SPATA17: variants seen among roughly 807,000 people sequenced by gnomAD.
SPATA17 encodes spermatogenesis-associated protein 17.
SPATA17 carries 53 observed loss-of-function variants against 62.2 expected under a neutral mutation model. That is an observed-to-expected ratio of 0.85 (90% CI 0.68 to 1.07). The LOEUF is 1.07. SPATA17 is among the 50% of genes least tolerant of loss of function. SPATA17 has a pLI of 0.00. For missense variants in SPATA17, 466 were observed against 425.5 expected (o/e 1.10, Z -0.84); for synonymous variants, 146 against 146.8 (o/e 0.99, Z 0.04).
chr1:217,868,665 T>G lies in SPATA17; in HGVS notation c.*1646T>G, dbSNP rs1013707030. 0.02 allele frequency: 3 copies of G among 152 alleles called. No individual in the cohort carries two copies. 0.0% of individuals were successfully genotyped at this position (152 alleles called of 1,614,324 possible). ...AAACCAGAAAGTATCTGAGACAATG[T>G]TTTTTTTTTTTTTTTTTTTTTTTTT... On this transcript the variant is annotated 3_prime_UTR_variant, in exon 11 of 11. Coordinates refer to ENST00000366933, the MANE Select transcript of SPATA17 (RefSeq NM_138796.4).
chr1:217,832,126 G>A (rs1443264338), intron 9 of SPATA17, among the ~76,000 whole-genome samples: 1 of 152,022 alleles, frequency 6.6e-6, no homozygotes, highest in Non-Finnish European at 1.5e-5. Context: ...CATAAATAAT[G>A]TCCAAAGGGT....
intron 5 of SPATA17, among the ~76,000 whole-genome samples, chr1:217,720,846 G>A (rs1672110326): frequency 6.6e-6 from 1 of 152,178 alleles, no homozygotes; most frequent in African/African-American, 2.4e-5. Context: ...CATTAATGAT[G>A]AGATTCACAC....
At chr1:217,760,545 G>A (rs1324668041) in intron 6 of SPATA17, among the ~76,000 whole-genome samples, 1 of 152,082 alleles carries the variant, frequency 6.6e-6, no homozygotes, top group African/African-American at 2.4e-5. Flanking sequence ...AGTCAGATAA[G>A]GGCAATATAG....
At chr1:217,709,193 T>A (rs997595983) in intron 5 of SPATA17, among the ~76,000 whole-genome samples, 2 of 152,168 alleles carry the variant, frequency 1.3e-5, no homozygotes, top group Non-Finnish European at 2.9e-5. Flanking sequence ...CAGGACTATA[T>A]AATTGCCATT....
Position 217,794,089 on chromosome 1 carries a change from C to CT in SPATA17, c.873-7628dup, listed in dbSNP as rs1324133167. On this transcript the variant is annotated intron_variant, in intron 8 of 10. Coordinates refer to ENST00000366933, the MANE Select transcript of SPATA17 (RefSeq NM_138796.4). ...CAAGATCGCGCCACTGCACTCCAGC[C>CT]TGGGTAACAGAGCGAGACTCCGTCA... Among the ~76,000 whole-genome samples the CT allele has an allele frequency of 6.9e-5, 10 of 145,778 alleles. No homozygotes were observed. The East Asian group carries it at 1.8e-3, about 26-fold the overall frequency.
intron 1 of SPATA17, among the ~76,000 whole-genome samples, chr1:217,645,244 G>T (rs1670152996): frequency 6.6e-6 from 1 of 151,872 alleles, no homozygotes; most frequent in African/African-American, 2.4e-5. Flanking sequence ...ATCCCAAAAA[G>T]AAATTATTTA....
chr1:217,716,281 T>C (rs751080819), intron 5 of SPATA17, among the ~76,000 whole-genome samples: 15 of 152,318 alleles, frequency 9.8e-5, no homozygotes, highest in Non-Finnish European at 2.2e-4. Context: ...TAATAAAGAA[T>C]AGAAACGTGA....
chr1:217,710,868 C>G (rs946947634), intron 5 of SPATA17, among the ~76,000 whole-genome samples: 1 of 152,142 alleles, frequency 6.6e-6, no homozygotes, highest in African/African-American at 2.4e-5. Context: ...AACCACTAGT[C>G]TACTTTCTGG....
intron 6 of SPATA17, among the ~76,000 whole-genome samples, chr1:217,757,399 A>C (rs923841760): frequency 5.3e-5 from 8 of 152,206 alleles, no homozygotes; most frequent in Admixed American, 1.3e-4. Flanking sequence ...GCGGAGGAAA[A>C]CTAGGCCTAT....
rs780932192 is a variant in SPATA17 at position 217,683,273 on chromosome 1, C to T, written c.307C>T (p.Arg103Ter). ...ACTTTAATAGATTCAGAGACGATGG[C>T]GAGGCTATAGGGTTCGGAAGTACCT... ...AMAVRIQRRW[R>*]GYRVRKYLFN... is the part of the protein sequence containing the mutation. Residue 103 changes from arginine (R) to a stop codon, truncating the protein, a stop_gained, in exon 5 of 11, where the codon CGA becomes TGA. Transcript: ENST00000366933. LOFTEE classifies it high-confidence loss of function. 49 of 1,601,602 alleles carry T rather than the reference C, an allele frequency of 3.1e-5. No homozygotes were observed. The highest frequency in any genetic ancestry group is 2.7e-4 in the South Asian group (24 of 89,014).
intron 6 of SPATA17, among the ~76,000 whole-genome samples, chr1:217,761,498 C>A (rs1673171850): frequency 6.6e-6 from 1 of 152,092 alleles, no homozygotes; most frequent in African/African-American, 2.4e-5. Flanking sequence ...CTCTCCACAT[C>A]AACATTTATC....
intron 6 of SPATA17, among the ~76,000 whole-genome samples, chr1:217,742,496 A>G (rs1672645993): frequency 6.6e-6 from 1 of 152,230 alleles, no homozygotes. Context: ...TTGAGATTAA[A>G]ACCATTTTTC....
intron 8 of SPATA17, among the ~76,000 whole-genome samples, chr1:217,785,334 A>G (rs1673834533): frequency 6.6e-6 from 1 of 152,154 alleles, no homozygotes; most frequent in Non-Finnish European, 1.5e-5. Context: ...AAAGCGGTTT[A>G]ATTGACTCAC....
At chr1:217,832,124 A>G (rs951065814) in intron 9 of SPATA17, among the ~76,000 whole-genome samples, 1 of 152,166 alleles carries the variant, frequency 6.6e-6, no homozygotes, top group Non-Finnish European at 1.5e-5. Context: ...TACATAAATA[A>G]TGTCCAAAGG....
rs113702573 is a variant in SPATA17 at position 217,766,917 on chromosome 1, G to C, written c.520-7417G>C. On this transcript the variant is annotated intron_variant, in intron 6 of 10. Transcript: ENST00000366933. ...CTTCTCCTTTCTTCCCCTTCAAATA[G>C]GCCCCACTGTCTATTTTTCCTGTCT... 3.5e-3 allele frequency among the ~76,000 whole-genome samples: 538 copies of C among 151,738 alleles called. 2 individuals carry two copies. Among genetic ancestry groups the C allele is most frequent in the African/African-American group, 0.012 (512 of 41,404 alleles).
At chr1:217,699,557 T>G (rs1313644704) in intron 5 of SPATA17, among the ~76,000 whole-genome samples, 1 of 152,168 alleles carries the variant, frequency 6.6e-6, no homozygotes, top group Non-Finnish European at 1.5e-5. Context: ...TAGATTATAT[T>G]TTTATGGTTG....
intron 6 of SPATA17, among the ~76,000 whole-genome samples, chr1:217,743,193 C>T (rs1224247207): frequency 6.6e-6 from 1 of 151,750 alleles, no homozygotes; most frequent in African/African-American, 2.4e-5. Context: ...ATATGGCACT[C>T]GGCACTCTGA....
intron 5 of SPATA17, among the ~76,000 whole-genome samples, chr1:217,702,875 A>G (rs566897454): frequency 4.0e-5 from 6 of 151,420 alleles, no homozygotes; most frequent in Non-Finnish European, 7.4e-5. Flanking sequence ...ATTTGAACAT[A>G]TTATTTCATT....
intron 5 of SPATA17, among the ~76,000 whole-genome samples, chr1:217,717,627 A>T (rs1474934394): frequency 6.6e-6 from 1 of 152,106 alleles, no homozygotes; most frequent in East Asian, 1.9e-4. Context: ...AATAATAAGT[A>T]ATTATGTAAA....
Sources: gnomAD v4.1 joint callset for allele counts (sites outside exome capture counted in the v4.1 genomes callset) on GRCh38, gnomAD v4.1.1 for gene constraint, MANE v1.5 for transcripts, NCBI Gene and HGNC (gene_info 2026-07-23, HGNC 2026-07-21) for gene names.